The following NECTIN1 variants were observed in gnomAD, a reference collection of about 807,000 sequenced individuals.
NECTIN1 encodes the protein nectin cell adhesion molecule 1.
Under a neutral mutation model 48.0 loss-of-function variants are expected in NECTIN1, and 23 were observed. The observed-to-expected ratio is 0.48, with a 90% CI of 0.34 to 0.68. The LOEUF (loss-of-function observed/expected upper bound fraction) is 0.68. Among genes scored for constraint, NECTIN1 ranks in the 30% least tolerant of loss-of-function variants. The pLI is 0.01. For missense variants in NECTIN1, 591 were observed against 709.9 expected, an observed-to-expected ratio of 0.83 and a Z score of 1.90; for synonymous variants, 270 against 288.9, an observed-to-expected ratio of 0.93 and a Z score of 0.66.
chr11:119,719,490 C>G (rs780037044), intron 1 of NECTIN1, among the ~76,000 whole-genome samples: 6 of 152,200 alleles, frequency 3.9e-5, no homozygotes, highest in Non-Finnish European at 7.3e-5. Context: ...TACCTAAGCT[C>G]TATCTGGGCC....
At chr11:119,715,995 C>T (rs1340375319) in intron 1 of NECTIN1, among the ~76,000 whole-genome samples, 1 of 152,238 alleles carries the variant, frequency 6.6e-6, no homozygotes, top group Non-Finnish European at 1.5e-5. Context: ...ACCTGTCTGC[C>T]TCTCCCACAA....
At chr11:119,639,176 C>T (rs1218811914) in intron 6 of NECTIN1, among the ~76,000 whole-genome samples, 1 of 152,178 alleles carries the variant, frequency 6.6e-6, no homozygotes, top group African/African-American at 2.4e-5. Flanking sequence ...GCACCGACAG[C>T]CTTAGCCAGC....
chr11:119,694,972 G>A (rs117743451), intron 1 of NECTIN1, among the ~76,000 whole-genome samples: 7 of 151,944 alleles, frequency 4.6e-5, no homozygotes, highest in Non-Finnish European at 8.8e-5. Context: ...CAGCTCCCTC[G>A]GCTCCCTGCA....
Position 119,727,889 on chromosome 11 carries a change from T to G in NECTIN1, c.79+586A>C, listed in dbSNP as rs2134352256. Among the ~76,000 whole-genome samples, 5 of 152,206 alleles carry G rather than the reference T, an allele frequency of 3.3e-5. No individual in the cohort carries two copies. In the South Asian group the frequency reaches 1.0e-3, roughly 32 times the overall value. On this transcript the variant is annotated intron_variant, in intron 1 of 5. Transcript: ENST00000264025. The surrounding 1 kb of genome is among the most constrained non-coding windows in gnomAD (Gnocchi z 4.1). ...GGAGGAGGCTGCCCCGGCCTCACCC[T>G]CCAGGAAAGGAACCGCAGGTGAGCG...
At chr11:119,681,380 T>G (rs1865058990) in intron 1 of NECTIN1, among the ~76,000 whole-genome samples, 1 of 152,094 alleles carries the variant, frequency 6.6e-6, no homozygotes, top group South Asian at 2.1e-4. Context: ...GTGCCATGCA[T>G]GGATTGGTGC....
chr11:119,660,720 C>T (rs368242632), downstream of NECTIN1, among the ~76,000 whole-genome samples: 1,130 of 152,270 alleles, frequency 7.4e-3, 9 homozygotes, highest in Non-Finnish European at 8.2e-3. Context: ...GCCTTACTTT[C>T]TTAAAGGCCT....
At chr11:119,668,775 A>C (rs1271638878) in intron 5 of NECTIN1, among the ~76,000 whole-genome samples, 1 of 152,268 alleles carries the variant, frequency 6.6e-6, no homozygotes, top group African/African-American at 2.4e-5. Flanking sequence ...ATAAATGCAA[A>C]TTAGAAGTTA....
intron 5 of NECTIN1, among the ~76,000 whole-genome samples, chr11:119,645,141 G>A (rs1006675706): frequency 6.6e-6 from 1 of 152,148 alleles, no homozygotes; most frequent in Non-Finnish European, 1.5e-5. Flanking sequence ...CTCAGAGCAG[G>A]CTGGGTGTTT....
At chr11:119,728,256 T>C (rs893689912) in intron 1 of NECTIN1, among the ~76,000 whole-genome samples, 7 of 152,262 alleles carry the variant, frequency 4.6e-5, no homozygotes, top group Non-Finnish European at 7.3e-5. Flanking sequence ...GCTTTCATGC[T>C]ACATAGAGAC....
chr11:119,656,688 T>C (rs1864578916), downstream of NECTIN1, among the ~76,000 whole-genome samples: 1 of 152,152 alleles, frequency 6.6e-6, no homozygotes. Flanking sequence ...GGAAGAGGCC[T>C]TCGTTAGGGA....
In NECTIN1 at chr11:119,709,992, G is replaced by A. The variant is rs1416145758; in HGVS notation, c.79+18483C>T. The A allele has an allele frequency of 6.6e-6, 1 of 152,272 alleles. No homozygotes were observed. The highest frequency in any genetic ancestry group is 1.5e-5 in the Non-Finnish European group (1 of 68,092). 9.4% of individuals were successfully genotyped at this position (152,272 alleles called of 1,614,324 possible). ...AGAGAGCTCAGCCCCCAGGATGGAC[G>A]GGAAACCCTGGGTCACCGTTCTTGG... On this transcript the variant is annotated intron_variant, in intron 1 of 5. Transcript: ENST00000264025. This position sits in a 1 kb window ranked among gnomAD's most constrained non-coding sequence, Gnocchi z 4.1.
At position 119,663,254 on chromosome 11, in the gene NECTIN1, G is replaced by A. The variant is rs1450561376; in HGVS notation, c.*1493C>T. 9 of 985,456 alleles carry A rather than the reference G, an allele frequency of 9.1e-6. No homozygotes were observed. The highest frequency in any genetic ancestry group is 9.6e-6 in the Non-Finnish European group (8 of 830,030). The allele number at this position is 985,456 out of a possible 1,614,324, so 61.0% of individuals were successfully genotyped here. ...GGCATGCCTGTCTAGAGTGCCAGGG[G>A]ATCTGGGAGCAGATGGAGGAACTGA... On this transcript the variant is annotated 3_prime_UTR_variant, in exon 6 of 6. Coordinates refer to ENST00000264025, the MANE Select transcript of NECTIN1 (RefSeq NM_002855.5).
In NECTIN1 at chr11:119,662,464, G is replaced by T. The variant is rs756080412; in HGVS notation, c.*2283C>A. The T allele has an allele frequency of 2.8e-5, 28 of 985,808 alleles. No homozygotes were observed. Among genetic ancestry groups the T allele is most frequent in the Non-Finnish European group, 3.4e-5 (28 of 829,964 alleles). 61.1% of individuals were successfully genotyped at this position (985,808 alleles called of 1,614,324 possible). A position where few individuals can be genotyped will look rare whatever the true frequency, so the allele number is the denominator to read the frequency against. On this transcript the variant is annotated 3_prime_UTR_variant, in exon 6 of 6. Coordinates refer to ENST00000264025, the MANE Select transcript of NECTIN1 (RefSeq NM_002855.5). The surrounding 1 kb of genome is among the most constrained non-coding windows in gnomAD (Gnocchi z 5.3). Reference sequence around the variant, plus strand: ...CCCCAAAATTTGTGCTTTGCTTGTGGGGAGGGTGTGGAGGTGTCTTAAGGG... The same window carrying T: ...CCCCAAAATTTGTGCTTTGCTTGTGTGGAGGGTGTGGAGGTGTCTTAAGGG...
At chr11:119,726,717 C>T (rs1865912645) in intron 1 of NECTIN1, among the ~76,000 whole-genome samples, 1 of 152,182 alleles carries the variant, frequency 6.6e-6, no homozygotes, top group African/African-American at 2.4e-5. Context: ...GTTCCTTCCC[C>T]TTCTCCCAAC....
downstream of NECTIN1, among the ~76,000 whole-genome samples, chr11:119,657,229 C>T (rs75702379): frequency 8.9e-3 from 1,363 of 152,300 alleles, 22 homozygotes; most frequent in African/African-American, 0.03. Flanking sequence ...TTTCCTGTCT[C>T]AAGACCCACC....
chr11:119,700,538 C>A (rs899048958), intron 1 of NECTIN1, among the ~76,000 whole-genome samples: 2 of 152,180 alleles, frequency 1.3e-5, no homozygotes, highest in South Asian at 2.1e-4. Context: ...TGCTCTGCAG[C>A]CACCCTCCAA....
At position 119,681,678 on chromosome 11, in the gene NECTIN1, C is replaced by T. The variant is rs527339899; in HGVS notation, c.80-2913G>A. 9.9e-5 allele frequency among the ~76,000 whole-genome samples: 15 copies of T among 152,272 alleles called. No homozygotes were observed. In the East Asian group the frequency reaches 2.5e-3, roughly 26 times the overall value. The stretch of plus-strand genomic sequence containing the variant: ...TCCCTCACCAGGCAGGGGCAGCCCA[C>T]GTCTATGTTGGGGTGGAGGTTGCTC... On this transcript the variant is annotated intron_variant, in intron 1 of 5. Coordinates refer to ENST00000264025, the MANE Select transcript of NECTIN1 (RefSeq NM_002855.5).
At chr11:119,651,580 C>G (rs1283692844) in intron 5 of NECTIN1, among the ~76,000 whole-genome samples, 2 of 152,080 alleles carry the variant, frequency 1.3e-5, no homozygotes, top group Non-Finnish European at 2.9e-5. Flanking sequence ...AGCAGGGGAG[C>G]TCCTTCGCTT....
chr11:119,648,063 CAAAAAAAAAAAAA>C (rs55695982), intron 5 of NECTIN1, among the ~76,000 whole-genome samples: 4 of 43,090 alleles, frequency 9.3e-5, no homozygotes, highest in South Asian at 1.6e-3. Flanking sequence ...GACACCGTCT[CAAAAAAAAAAAAA>C]AAAAAAAAAA....
Sources: allele counts gnomAD v4.1 joint callset (sites outside exome capture counted in the v4.1 genomes callset), GRCh38; gene constraint gnomAD v4.1.1; non-coding constraint Gnocchi (gnomAD v3.1); transcripts MANE v1.5; gene names NCBI Gene and HGNC (gene_info 2026-07-23, HGNC 2026-07-21).